ULK2: variants seen among roughly 807,000 people sequenced by gnomAD.
ULK2 encodes serine/threonine-protein kinase ULK2.
Under a neutral mutation model 127.5 loss-of-function variants are expected in ULK2, and 76 were observed. The ratio of observed to expected loss-of-function variants is 0.60; its 90% CI spans 0.50 to 0.72. The LOEUF (loss-of-function observed/expected upper bound fraction) is 0.72. Ranked by LOEUF, ULK2 falls within the 30% of genes least tolerant of loss-of-function variation. The pLI is 0.00. For missense variants in ULK2, 1,144 were observed against 1,295.9 expected (o/e 0.88, Z 1.80); for synonymous variants, 452 against 461.9 (o/e 0.98, Z 0.28).
rs1410856201 is a variant in ULK2 at position 19,867,428 on chromosome 17, C to G, written c.-11G>C. 6.3e-7 allele frequency: 1 copy of G among 1,586,542 alleles called. No homozygotes were observed. Among genetic ancestry groups the G allele is most frequent in the South Asian group, 1.1e-5 (1 of 88,182 alleles). ...ACCCACCACCTCCATGGCCGCGCCC[C>G]CGGGGCACACAGCGGACGGGCGGGC... On this transcript the variant is annotated 5_prime_UTR_variant, in exon 1 of 27. Transcript: ENST00000395544.
chr17:19,850,196 C>T (rs1396943958), intron 3 of ULK2, among the ~76,000 whole-genome samples: 2 of 152,194 alleles, frequency 1.3e-5, no homozygotes, highest in Non-Finnish European at 2.9e-5. Flanking sequence ...CCTAGCAACA[C>T]TATATGCACA....
At chr17:19,821,651 T>G (rs1400923210) in intron 12 of ULK2, among the ~76,000 whole-genome samples, 1 of 152,210 alleles carries the variant, frequency 6.6e-6, no homozygotes. Context: ...TCCCACTAAC[T>G]GGAAACTATA....
intron 10 of ULK2, among the ~76,000 whole-genome samples, chr17:19,836,027 G>A (rs1183121552): frequency 1.3e-5 from 2 of 151,758 alleles, no homozygotes; most frequent in Non-Finnish European, 2.9e-5. Context: ...AGCACTTTGG[G>A]AGGCCAAGGC....
chr17:19,835,956 T>C (rs2041585714), intron 10 of ULK2, among the ~76,000 whole-genome samples: 1 of 151,306 alleles, frequency 6.6e-6, no homozygotes, highest in Non-Finnish European at 1.5e-5. Context: ...ACCCTATCCC[T>C]ACAAAAGGGT....
chr17:19,783,609 CTATT>C, intron 22 of ULK2, 84 bp downstream of exon 22: 1 of 1,254,442 alleles, frequency 8.0e-7, no homozygotes, highest in East Asian at 2.8e-5. Context: ...AACTTCCTAA[CTATT>C]TAATGTATTT....
intron 4 of ULK2, 120 bp downstream of exon 4, chr17:19,849,622 A>G (rs994770464): frequency 2.5e-5 from 21 of 838,416 alleles, no homozygotes; most frequent in Non-Finnish European, 3.7e-5. Flanking sequence ...ATAATCTACT[A>G]CCAATTTTAA....
At chr17:19,782,261 T>C (rs1396430459) in intron 22 of ULK2, among the ~76,000 whole-genome samples, 194 bp from the exon 23 acceptor site, 2 of 152,198 alleles carry the variant, frequency 1.3e-5, no homozygotes, top group Non-Finnish European at 2.9e-5. Flanking sequence ...TATAGGTATA[T>C]GCATGTGTTT....
At chr17:19,809,041 A>G (rs937046132) in intron 14 of ULK2, among the ~76,000 whole-genome samples, 1 of 152,246 alleles carries the variant, frequency 6.6e-6, no homozygotes, top group Non-Finnish European at 1.5e-5. Context: ...CAATGGATTA[A>G]TGGATAAACA....
intron 9 of ULK2, among the ~76,000 whole-genome samples, chr17:19,839,712 C>A (rs892209414): frequency 2.7e-5 from 4 of 148,322 alleles, no homozygotes; most frequent in Non-Finnish European, 4.5e-5. Context: ...TAAAGAAATA[C>A]AAAGGAGCCA....
At chr17:19,825,427 A>G (rs866295442) in intron 11 of ULK2, among the ~76,000 whole-genome samples, 2 of 152,202 alleles carry the variant, frequency 1.3e-5, no homozygotes, top group Non-Finnish European at 2.9e-5. Flanking sequence ...TAAGAAAATC[A>G]GGCTGGGAGC....
intron 23 of ULK2, 40 bp from the exon 24 acceptor site, chr17:19,781,144 C>T (rs767319728): frequency 6.3e-7 from 1 of 1,585,346 alleles, no homozygotes; most frequent in Admixed American, 1.7e-5. Flanking sequence ...ATCTTGTGAA[C>T]TAATGTAAGA....
At chr17:19,790,331 C>T (rs1302445232) in intron 20 of ULK2, among the ~76,000 whole-genome samples, 2 of 152,250 alleles carry the variant, frequency 1.3e-5, no homozygotes, top group South Asian at 2.1e-4. Flanking sequence ...GCAGGATAAT[C>T]GCTTGAACCC....
chr17:19,865,862 C>T, intron 1 of ULK2, 34 bp from the exon 2 acceptor site: 3 of 1,301,690 alleles, frequency 2.3e-6, no homozygotes, highest in Non-Finnish European at 3.2e-6. Context: ...TCCTAGATAC[C>T]ATTCCACATA....
At chr17:19,866,590 C>T (rs1217418872) in intron 1 of ULK2, among the ~76,000 whole-genome samples, 1 of 152,222 alleles carries the variant, frequency 6.6e-6, no homozygotes, top group Non-Finnish European at 1.5e-5. Flanking sequence ...TAACACGCCC[C>T]TTGGGCAACA....
In ULK2 at chr17:19,797,526, C is replaced by T. The variant is rs1030650781; in HGVS notation, c.1679G>A (p.Ser560Asn). The change falls in exon 18 of 27, where the codon AGC becomes AAC. Residue 560 changes from serine (S) to asparagine (N), a missense_variant. Physicochemically the swap from Ser to Asn is conservative, Grantham distance 46 (BLOSUM62 1). Around this residue, in one of 2 missense-constraint regions of ULK2, gnomAD observed 913 missense variants for 970.5 expected, o/e 0.94. Coordinates refer to ENST00000395544, the MANE Select transcript of ULK2 (RefSeq NM_014683.4). ...VCPSHTGAGY[S>N]YSPQPSRPGS... The stretch of plus-strand genomic sequence containing the variant: ...AGGCCGACTGGGCTGAGGCGAGTAG[C>T]TGTACCCAGCCCCAGTATGGGATGG... 1.2e-5 allele frequency: 20 copies of T among 1,613,842 alleles called. No individual in the cohort carries two copies. The Admixed American group carries it at 2.3e-4, about 19-fold the overall frequency.
At chr17:19,789,603 CAG>C (rs2087108831) in intron 20 of ULK2, among the ~76,000 whole-genome samples, 1 of 152,102 alleles carries the variant, frequency 6.6e-6, no homozygotes, top group South Asian at 2.1e-4. Flanking sequence ...ACCTTTCAGA[CAG>C]AGAATTCAAA....
chr17:19,847,999 A>T (rs2041925617), intron 5 of ULK2, among the ~76,000 whole-genome samples: 1 of 152,208 alleles, frequency 6.6e-6, no homozygotes, highest in Non-Finnish European at 1.5e-5. Flanking sequence ...TTCCTCATGT[A>T]TAAAAGTTGA....
intron 12 of ULK2, among the ~76,000 whole-genome samples, chr17:19,822,681 T>C (rs1023804200): frequency 6.6e-6 from 1 of 151,400 alleles, no homozygotes; most frequent in African/African-American, 2.4e-5. Flanking sequence ...TTACTGTTTT[T>C]TGTTTGGTTT....
At chr17:19,851,829 C>T (rs1025454616) in intron 3 of ULK2, among the ~76,000 whole-genome samples, 2 of 151,274 alleles carry the variant, frequency 1.3e-5, no homozygotes, top group Non-Finnish European at 2.9e-5. Context: ...TTCGAGACCT[C>T]GATGTCAGGA....
Sources: gnomAD v4.1 joint callset for allele counts (sites outside exome capture counted in the v4.1 genomes callset) on GRCh38, gnomAD v4.1.1 for gene constraint, gnomAD v4.1.1 regional missense constraint, MANE v1.5 for transcripts, NCBI Gene and HGNC (gene_info 2026-07-23, HGNC 2026-07-21) for gene names.